The following UBE2E1 variants were observed in gnomAD, a reference collection of about 807,000 sequenced individuals.
UBE2E1 encodes ubiquitin conjugating enzyme E2 E1.
In UBE2E1, 6 loss-of-function variants were observed where a neutral mutation model predicts 21.4. The ratio of observed to expected loss-of-function variants is 0.28; its 90% CI spans 0.15 to 0.55. The LOEUF (loss-of-function observed/expected upper bound fraction) is 0.55, where lower values mean the gene tolerates loss of function less well. UBE2E1 is among the 20% of genes least tolerant of loss of function. The probability of loss-of-function intolerance (pLI) is 0.93; values close to 1 mark genes in which losing one functional copy is unlikely to be tolerated. For missense variants in UBE2E1, 142 were observed against 236.5 expected, an observed-to-expected ratio of 0.60 and a Z score of 2.62; for synonymous variants, 87 against 82.7, an observed-to-expected ratio of 1.05 and a Z score of -0.28.
At chr3:23,831,771 A>G (rs1699871590) in intron 3 of UBE2E1, among the ~76,000 whole-genome samples, 1 of 151,692 alleles carries the variant, frequency 6.6e-6, no homozygotes, top group African/African-American at 2.4e-5. Context: ...ATCTCAGCTC[A>G]GTGCAACCTC....
intron 3 of UBE2E1, among the ~76,000 whole-genome samples, chr3:23,850,680 T>C (rs866350062): frequency 6.9e-6 from 1 of 145,472 alleles, no homozygotes; most frequent in Non-Finnish European, 1.5e-5. Context: ...CACACCTGAT[T>C]GTTTTTTTTT....
intron 4 of UBE2E1, chr3:23,888,285 T>C: frequency 2.2e-6 from 1 of 457,030 alleles, no homozygotes; most frequent in South Asian, 1.5e-5. Flanking sequence ...AAGTCACCCA[T>C]CTCCTGTACT....
rs1400943647 is a variant in UBE2E1 at position 23,842,514 on chromosome 3, T to C, written c.203+31004T>C. Among the ~76,000 whole-genome samples the C allele has an allele frequency of 6.6e-6, 1 of 152,182 alleles. No individual in the cohort carries two copies. Among genetic ancestry groups the C allele is most frequent in the Non-Finnish European group, 1.5e-5 (1 of 68,032 alleles). On this transcript the variant is annotated intron_variant, in intron 3 of 5. Transcript: ENST00000306627. The surrounding 1 kb of genome is among the most constrained non-coding windows in gnomAD (Gnocchi z 4.6). Reference sequence around the variant, plus strand: ...CTTTTTATTTTATTATCATTTGCTATAAATATCACTAAACTTTGTCATCCT... The same window carrying C: ...CTTTTTATTTTATTATCATTTGCTACAAATATCACTAAACTTTGTCATCCT...
chr3:23,840,357 T>C (rs1372727103), intron 3 of UBE2E1, among the ~76,000 whole-genome samples: 5 of 152,224 alleles, frequency 3.3e-5, no homozygotes, highest in Non-Finnish European at 7.3e-5. Context: ...ATACCAAACA[T>C]TGTGAATTTT....
intron 2 of UBE2E1, 132 bp from the exon 3 acceptor site, chr3:23,811,328 G>A (rs1699386482): frequency 2.5e-6 from 2 of 799,976 alleles, no homozygotes; most frequent in African/African-American, 1.7e-5. Flanking sequence ...AGTTCTTGAT[G>A]TGTAGTTCCT....
At position 23,870,831 on chromosome 3, in the gene UBE2E1, G is replaced by A. The variant is rs963431928; in HGVS notation, c.204-16736G>A. ...TAGGCAGAGGACCCTGCGGCCTTCC[G>A]CAGTGTTTGTGTCCCTGGGTACTTG... On this transcript the variant is annotated intron_variant, in intron 3 of 5. Transcript: ENST00000306627. This position sits in a 1 kb window ranked among gnomAD's most constrained non-coding sequence, Gnocchi z 4.2. Among the ~76,000 whole-genome samples, 5 of 151,816 alleles carry A rather than the reference G, an allele frequency of 3.3e-5. No individual in the cohort carries two copies. The highest frequency in any genetic ancestry group is 7.3e-5 in the African/African-American group (3 of 41,362).
rs1701465251 is a variant in UBE2E1, at chr3:23,891,506, T to C, written c.*900T>C. Among the ~76,000 whole-genome samples, 1 of 152,244 alleles carries C rather than the reference T, an allele frequency of 6.6e-6. No homozygotes were observed. The highest frequency in any genetic ancestry group is 1.5e-5 in the Non-Finnish European group (1 of 68,042). On this transcript the variant is annotated 3_prime_UTR_variant, in exon 6 of 6. Transcript: ENST00000306627. Reference sequence around the variant, plus strand: ...GTATCCTAGAAAAGGTTAAATAATCTACCCCATTTAGGCTTCAAAGACGAA... The same window carrying C: ...GTATCCTAGAAAAGGTTAAATAATCCACCCCATTTAGGCTTCAAAGACGAA...
chr3:23,819,647 T>A (rs1699604243), intron 3 of UBE2E1, among the ~76,000 whole-genome samples: 1 of 152,190 alleles, frequency 6.6e-6, no homozygotes, highest in Non-Finnish European at 1.5e-5. Context: ...AAAAACCTAA[T>A]TTGGTCGGAT....
chr3:23,822,230 G>A (rs79170330), intron 3 of UBE2E1, among the ~76,000 whole-genome samples: 7,038 of 152,224 alleles, frequency 0.046, 202 homozygotes, highest in East Asian at 0.1. Context: ...TGACCTTCAC[G>A]TGTCAAACCT....
Position 23,823,140 on chromosome 3 carries a change from C to T in UBE2E1, c.203+11630C>T, listed in dbSNP as rs1346816228. 6.6e-6 allele frequency among the ~76,000 whole-genome samples: 1 copy of T among 152,182 alleles called. No individual in the cohort carries two copies. The highest frequency in any genetic ancestry group is 1.5e-5 in the Non-Finnish European group (1 of 68,038). On this transcript the variant is annotated intron_variant, in intron 3 of 5. Coordinates refer to ENST00000306627, the MANE Select transcript of UBE2E1 (RefSeq NM_003341.5). The surrounding 1 kb of genome is among the most constrained non-coding windows in gnomAD (Gnocchi z 4.2). ...GATTACAGGCATGAGCCTCTGCGCC[C>T]ATCCTGTTTTTCATCCTTTTAATAT...
chr3:23,845,108 T>A (rs1009157938), intron 3 of UBE2E1, among the ~76,000 whole-genome samples: 5 of 152,140 alleles, frequency 3.3e-5, no homozygotes, highest in Non-Finnish European at 5.9e-5. Flanking sequence ...TGTGAAATTT[T>A]AAAACTATAC....
At chr3:23,861,726 A>T (rs1170936997) in intron 3 of UBE2E1, among the ~76,000 whole-genome samples, 1 of 152,208 alleles carries the variant, frequency 6.6e-6, no homozygotes, top group Non-Finnish European at 1.5e-5. Context: ...CGACTGGTGG[A>T]ATGACACAAA....
chr3:23,879,332 C>T lies in UBE2E1; in HGVS notation c.204-8235C>T, dbSNP rs6763691. 4.2e-3 allele frequency: 2,999 copies of T among 718,188 alleles called. 84 individuals are homozygous for T. In the African/African-American group the frequency reaches 0.05, roughly 12 times the overall value. 44.5% of individuals were successfully genotyped at this position (718,188 alleles called of 1,614,324 possible). A position where few individuals can be genotyped will look rare whatever the true frequency, so the allele number is the denominator to read the frequency against. On this transcript the variant is annotated intron_variant, in intron 3 of 5. Transcript: ENST00000306627. ...TTGCCAAGATTACCTTAATTTTCTC[C>T]GTGTTAAATCTTTTGGTAGGTACAG...
intron 3 of UBE2E1, among the ~76,000 whole-genome samples, chr3:23,871,489 A>T (rs1202319605): frequency 6.7e-6 from 1 of 149,290 alleles, no homozygotes; most frequent in South Asian, 2.1e-4. Flanking sequence ...CACCTCCCGG[A>T]CGGGGCGGCT....
At chr3:23,857,302 A>G (rs1457306205) in intron 3 of UBE2E1, among the ~76,000 whole-genome samples, 4 of 151,938 alleles carry the variant, frequency 2.6e-5, no homozygotes, top group African/African-American at 9.7e-5. Flanking sequence ...CAAGTGTTCT[A>G]TTCACTGTTA....
rs1218036813 is a variant in UBE2E1, at chr3:23,863,154, G to C, written c.204-24413G>C. 6.6e-6 allele frequency among the ~76,000 whole-genome samples: 1 copy of C among 150,656 alleles called. No homozygotes were observed. On this transcript the variant is annotated intron_variant, in intron 3 of 5. Transcript: ENST00000306627. The surrounding 1 kb of genome is among the most constrained non-coding windows in gnomAD (Gnocchi z 4.3). ...CTTTGTTGTTTATATCCTGTTTTTA[G>C]GTATATACTCATATTACTTTATATT...
intron 3 of UBE2E1, among the ~76,000 whole-genome samples, chr3:23,850,663 C>T (rs1017642360): frequency 1.3e-5 from 2 of 149,414 alleles, no homozygotes; most frequent in African/African-American, 2.5e-5. Context: ...TGCACCACTG[C>T]ATCCGGCACA....
At chr3:23,812,539 T>G (rs889800336) in intron 3 of UBE2E1, among the ~76,000 whole-genome samples, 3 of 152,250 alleles carry the variant, frequency 2.0e-5, no homozygotes, top group Non-Finnish European at 4.4e-5. Flanking sequence ...ATTGCCGTTT[T>G]GGTTACATTC....
At chr3:23,826,959 A>G (rs1699771214) in intron 3 of UBE2E1, among the ~76,000 whole-genome samples, 1 of 152,204 alleles carries the variant, frequency 6.6e-6, no homozygotes, top group Non-Finnish European at 1.5e-5. Flanking sequence ...CTGATAAGAA[A>G]TTACATGATT....
Sources: gnomAD v4.1 joint callset for allele counts (sites outside exome capture counted in the v4.1 genomes callset) on GRCh38, gnomAD v4.1.1 for gene constraint, Gnocchi (gnomAD v3.1) non-coding constraint, MANE v1.5 for transcripts, NCBI Gene and HGNC (gene_info 2026-07-23, HGNC 2026-07-21) for gene names.